Variants in PLCE1 observed in about 807,000 individuals in gnomAD.
PLCE1 encodes phospholipase C epsilon 1.
In PLCE1, 119 loss-of-function variants were observed where a neutral mutation model predicts 242.8. The ratio of observed to expected loss-of-function variants is 0.49; its 90% confidence interval spans 0.42 to 0.57. PLCE1 has a LOEUF of 0.57. PLCE1 is among the 20% of genes least tolerant of loss of function. PLCE1 has a pLI of 0.00. For synonymous variants in PLCE1, 945 were observed against 1,017.4 expected, an observed-to-expected ratio of 0.93 and a Z score of 1.35; for missense variants, 2,441 against 2,788.8, an observed-to-expected ratio of 0.88 and a Z score of 2.81.
At chr10:94,042,449 C>G (rs2061787730) in intron 2 of PLCE1, among the ~76,000 whole-genome samples, 2 of 152,158 alleles carry the variant, frequency 1.3e-5, no homozygotes, top group Non-Finnish European at 2.9e-5. Flanking sequence ...AGCACTTGAA[C>G]CCAGGTCTGG....
At chr10:94,094,729 C>G (rs2045234776) in intron 2 of PLCE1, 1 of 152,176 alleles carries the variant, frequency 6.6e-6, no homozygotes, top group Non-Finnish European at 1.5e-5. Context: ...GCCAGAGTTT[C>G]ACACCCGGCA....
At chr10:94,115,970 G>A (rs1291945153) in intron 2 of PLCE1, among the ~76,000 whole-genome samples, 1 of 152,168 alleles carries the variant, frequency 6.6e-6, no homozygotes, top group Non-Finnish European at 1.5e-5. Flanking sequence ...ATGAGTCACT[G>A]ATTAATCAGC....
Position 94,163,753 on chromosome 10 carries a change from G to A in PLCE1, c.1493-7427G>A, listed in dbSNP as rs1227796488. Among the ~76,000 whole-genome samples the A allele has an allele frequency of 1.6e-4, 25 of 152,278 alleles. No homozygotes were observed. In the South Asian group the frequency reaches 5.2e-3, roughly 32 times the overall value. ...CTTGATGCGGTTTCTTCCTAGCCGT[G>A]ATGGTCTTTACAATTTGGCATGTTT... is the stretch of plus-strand genomic sequence containing the variant. On this transcript the variant is annotated intron_variant, in intron 3 of 32. Transcript: ENST00000371380.
intron 2 of PLCE1, among the ~76,000 whole-genome samples, chr10:94,083,716 T>A (rs2044720720): frequency 6.6e-6 from 1 of 152,176 alleles, no homozygotes; most frequent in South Asian, 2.1e-4. Context: ...ATTAAAGAAT[T>A]ATCCTAATTT....
intron 1 of PLCE1, among the ~76,000 whole-genome samples, chr10:93,999,175 A>T (rs1218035737): frequency 1.3e-5 from 2 of 152,232 alleles, no homozygotes; most frequent in African/African-American, 4.8e-5. Flanking sequence ...GAAGAAAGCT[A>T]TCAAAATAAG....
intron 4 of PLCE1, among the ~76,000 whole-genome samples, chr10:94,195,184 A>G (rs1393991442): frequency 6.6e-6 from 1 of 152,214 alleles, no homozygotes. Context: ...ACCATTTATA[A>G]CGCTGAATAT....
At chr10:94,054,292 C>T (rs2043842408) in intron 2 of PLCE1, among the ~76,000 whole-genome samples, 1 of 152,184 alleles carries the variant, frequency 6.6e-6, no homozygotes, top group African/African-American at 2.4e-5. Context: ...CAGTGCCCAG[C>T]TAGACCATAT....
At chr10:94,003,170 T>C (rs149811294) in intron 1 of PLCE1, among the ~76,000 whole-genome samples, 177 of 152,344 alleles carry the variant, frequency 1.2e-3, no homozygotes, top group African/African-American at 4.2e-3. Context: ...TTCTAGAACA[T>C]TAATAACTGA....
At chr10:94,247,027 G>A (rs966271335) in intron 8 of PLCE1, among the ~76,000 whole-genome samples, 7 of 151,162 alleles carry the variant, frequency 4.6e-5, no homozygotes, top group Non-Finnish European at 8.8e-5. Flanking sequence ...CAGGAGAATC[G>A]CTGGAACCCA....
chr10:94,199,258 A>C (rs1312525022), intron 4 of PLCE1, among the ~76,000 whole-genome samples: 2 of 152,202 alleles, frequency 1.3e-5, no homozygotes, highest in African/African-American at 4.8e-5. Flanking sequence ...GTAGATACTA[A>C]ATTATTTTAC....
At chr10:94,273,920 G>A (rs1280855099) in intron 19 of PLCE1, among the ~76,000 whole-genome samples, 200 bp downstream of exon 19, 1 of 152,170 alleles carries the variant, frequency 6.6e-6, no homozygotes, top group Admixed American at 6.5e-5. Context: ...GATTTAATTT[G>A]TGGAATAGTT....
intron 1 of PLCE1, among the ~76,000 whole-genome samples, chr10:93,998,927 T>C (rs1165198148): frequency 1.3e-5 from 2 of 152,114 alleles, no homozygotes; most frequent in Non-Finnish European, 2.9e-5. Flanking sequence ...ACAGGAGTGA[T>C]GTGAGCAAGG....
At position 94,186,554 on chromosome 10, in the gene PLCE1, T is replaced by C. The variant is rs1427943118; in HGVS notation, c.1809+15058T>C. On this transcript the variant is annotated intron_variant, in intron 4 of 32. Transcript: ENST00000371380. ...AGATTTGATAAATATGTGCCATGTA[T>C]ATTTGTTCAAATTGTTGGTAAAAAT... Among the ~76,000 whole-genome samples the C allele has an allele frequency of 8.5e-5, 13 of 152,250 alleles. No homozygotes were observed. In the East Asian group the frequency reaches 2.5e-3, roughly 29 times the overall value.
rs750479702 is a variant in PLCE1, at chr10:94,171,280, C to T, written c.1593C>T (p.Phe531=). ...ELIDLQPLIQ[F]PEEVASILME... ...TCGATCTGCAGCCTCTCATCCAGTT[C>T]CCAGAGGAAGTCGCCAGCATCCTGA... The change falls in exon 4 of 33, where the codon TTC becomes TTT. Residue 531 remains phenylalanine (F), a synonymous_variant. Transcript: ENST00000371380. 3 of 1,614,130 alleles carry T rather than the reference C, an allele frequency of 1.9e-6. No individual in the cohort carries two copies. In the Admixed American group the frequency reaches 5.0e-5, roughly 27 times the overall value.
rs763989985 is a variant in PLCE1 at position 94,171,482 on chromosome 10, A to G, written c.1795A>G (p.Met599Val). ...GCACAATGCCCTTGAAGATCTGGTG[A>G]TGAGGTTTAATGAGGTAAGAAGCCA... ...GEHNALEDLV[M>V]RFNEVSSWVT... Residue 599 changes from methionine (M) to valine (V), a missense_variant, in exon 4 of 33, where the codon ATG becomes GTG. Coordinates refer to ENST00000371380, the MANE Select transcript of PLCE1 (RefSeq NM_016341.4). 6 of 1,613,766 alleles carry G rather than the reference A, an allele frequency of 3.7e-6. No homozygotes were observed. The East Asian group carries it at 1.1e-4, about 30-fold the overall frequency.
intron 3 of PLCE1, among the ~76,000 whole-genome samples, chr10:94,156,104 T>C (rs1746718457): frequency 6.6e-6 from 1 of 151,644 alleles, no homozygotes; most frequent in South Asian, 2.1e-4. Flanking sequence ...GTGGAAGGGA[T>C]GTGAATATTA....
chr10:94,290,310 C>T lies in PLCE1; in HGVS notation c.5036-3198C>T, dbSNP rs527358113. Among the ~76,000 whole-genome samples, 8 of 151,730 alleles carry T rather than the reference C, an allele frequency of 5.3e-5. No individual in the cohort carries two copies. The South Asian group carries it at 8.4e-4, about 16-fold the overall frequency. On this transcript the variant is annotated intron_variant, in intron 22 of 32. Transcript: ENST00000371380. ...AAATACAGGCATGAGCCATCGCACC[C>T]GGCCATTTTCTTTCTTATTTTTCTC...
chr10:94,273,835 T>A, intron 19 of PLCE1, 115 bp downstream of exon 19: 1 of 956,824 alleles, frequency 1.0e-6, no homozygotes, highest in South Asian at 1.4e-5. Context: ...CAAGACTGAC[T>A]TTCCTTAAAT....
At chr10:94,256,036 C>G (rs3891783) in intron 11 of PLCE1, among the ~76,000 whole-genome samples, 69,423 of 147,430 alleles carry the variant, frequency 0.47, 16,429 homozygotes, top group Middle Eastern at 0.62. Flanking sequence ...TTCTTATTAA[C>G]AATCCTGGCT....
Sources: allele counts gnomAD v4.1 joint callset (sites outside exome capture counted in the v4.1 genomes callset), GRCh38; gene constraint gnomAD v4.1.1; transcripts MANE v1.5; gene names NCBI Gene and HGNC (gene_info 2026-07-23, HGNC 2026-07-21).